TENM4: variants seen among roughly 807,000 people sequenced by gnomAD.
TENM4 encodes the protein teneurin transmembrane protein 4.
In TENM4, 82 loss-of-function variants were observed where a neutral mutation model predicts 243.3. The ratio of observed to expected loss-of-function variants is 0.34; its 90% CI spans 0.28 to 0.40. The LOEUF (loss-of-function observed/expected upper bound fraction) is 0.40. Ranked by LOEUF, TENM4 falls within the 10% of genes least tolerant of loss-of-function variation. The pLI is 1.00. For missense variants in TENM4, 3,138 were observed against 3,673.3 expected (o/e 0.85, Z 3.77); for synonymous variants, 1,412 against 1,456.3 (o/e 0.97, Z 0.69).
intron 3 of TENM4, among the ~76,000 whole-genome samples, chr11:79,152,198 T>TACAAATATTAATATAAATA (rs1214023363): frequency 6.6e-6 from 1 of 152,150 alleles, no homozygotes; most frequent in South Asian, 2.1e-4. Flanking sequence ...TATTAATATG[T>TACAAATATTAATATAAATA]TGGTGTGGTG....
chr11:79,381,575 G>A (rs1236013171), intron 1 of TENM4, among the ~76,000 whole-genome samples: 1 of 149,808 alleles, frequency 6.7e-6, no homozygotes, highest in Non-Finnish European at 1.5e-5. Context: ...CAGGTATTAG[G>A]GTGCAAATGA....
intron 1 of TENM4, among the ~76,000 whole-genome samples, chr11:79,327,106 T>C (rs967824849): frequency 6.6e-6 from 1 of 152,180 alleles, no homozygotes; most frequent in Non-Finnish European, 1.5e-5. Context: ...TCTCCAGAAA[T>C]GCTCAGACAT....
chr11:78,673,744 C>T (rs1272327122), intron 30 of TENM4, among the ~76,000 whole-genome samples: 2 of 152,204 alleles, frequency 1.3e-5, no homozygotes, highest in African/African-American at 2.4e-5. Flanking sequence ...TGACAGCAAA[C>T]GATCGTGGTC....
chr11:79,120,931 T>C (rs1189736205), intron 4 of TENM4, among the ~76,000 whole-genome samples: 1 of 152,250 alleles, frequency 6.6e-6, no homozygotes, highest in Non-Finnish European at 1.5e-5. Flanking sequence ...ATTTTGCAGA[T>C]GATAAAACTG....
At chr11:79,236,878 G>A (rs1281480049) in intron 2 of TENM4, among the ~76,000 whole-genome samples, 1 of 152,204 alleles carries the variant, frequency 6.6e-6, no homozygotes, top group Non-Finnish European at 1.5e-5. Context: ...TGGTGGAGGT[G>A]TTTGTTTATC....
intron 3 of TENM4, among the ~76,000 whole-genome samples, chr11:79,183,628 G>A (rs1338144848): frequency 2.6e-5 from 4 of 152,136 alleles, no homozygotes; most frequent in Non-Finnish European, 4.4e-5. Flanking sequence ...GATGTGGCAA[G>A]GTTGTGTGTG....
chr11:79,119,087 T>A (rs942631895), intron 4 of TENM4, among the ~76,000 whole-genome samples: 1 of 152,178 alleles, frequency 6.6e-6, no homozygotes, highest in African/African-American at 2.4e-5. Flanking sequence ...ATTTAGGAAG[T>A]GGTAGTCAGA....
chr11:78,778,172 C>A (rs369704707), intron 17 of TENM4, among the ~76,000 whole-genome samples: 2 of 152,090 alleles, frequency 1.3e-5, no homozygotes, highest in African/African-American at 2.4e-5. Flanking sequence ...AGAAAGTAGT[C>A]CTTAAAATTT....
intron 1 of TENM4, among the ~76,000 whole-genome samples, chr11:79,350,514 C>T (rs137947114): frequency 0.012 from 1,759 of 151,360 alleles, 25 homozygotes; most frequent in African/African-American, 0.041. Flanking sequence ...ACTGCAGCCT[C>T]GAACATCTGG....
At chr11:79,161,774 T>G (rs1862751067) in intron 3 of TENM4, among the ~76,000 whole-genome samples, 1 of 152,166 alleles carries the variant, frequency 6.6e-6, no homozygotes, top group African/African-American at 2.4e-5. Flanking sequence ...TATCTTGTGG[T>G]CAGTGGGGAC....
At chr11:78,846,930 T>C (rs1312121916) in intron 12 of TENM4, among the ~76,000 whole-genome samples, 6 of 152,200 alleles carry the variant, frequency 3.9e-5, no homozygotes, top group African/African-American at 1.4e-4. Context: ...GCTAAAAATA[T>C]CCCCTTCTTC....
chr11:78,873,221 T>C (rs1859182170), intron 9 of TENM4, among the ~76,000 whole-genome samples: 1 of 152,176 alleles, frequency 6.6e-6, no homozygotes, highest in East Asian at 1.9e-4. Context: ...CTCTGCTTCT[T>C]GTTTGATTAC....
At chr11:79,175,448 C>T (rs1274659555) in intron 3 of TENM4, among the ~76,000 whole-genome samples, 1 of 152,128 alleles carries the variant, frequency 6.6e-6, no homozygotes, top group Non-Finnish European at 1.5e-5. Flanking sequence ...ATCTAAATGT[C>T]TAACAGCTAG....
chr11:79,007,210 G>C (rs183798840), intron 6 of TENM4, among the ~76,000 whole-genome samples: 2 of 152,228 alleles, frequency 1.3e-5, no homozygotes, highest in African/African-American at 4.8e-5. Flanking sequence ...CTAATACTGT[G>C]CCTAAATGCT....
chr11:78,759,521 C>A, intron 18 of TENM4, among the ~76,000 whole-genome samples: 1 of 152,170 alleles, frequency 6.6e-6, no homozygotes, highest in East Asian at 1.9e-4. Context: ...CCAAAGCAGT[C>A]CCTGGAAGCC....
chr11:79,281,796 A>C (rs1400572896), intron 2 of TENM4, among the ~76,000 whole-genome samples: 2 of 152,244 alleles, frequency 1.3e-5, no homozygotes, highest in African/African-American at 4.8e-5. Flanking sequence ...CCAAACCATT[A>C]AAACCTTTAA....
intron 28 of TENM4, among the ~76,000 whole-genome samples, chr11:78,700,227 G>A (rs540840260): frequency 2.9e-4 from 44 of 152,198 alleles, no homozygotes; most frequent in Non-Finnish European, 5.3e-4. Context: ...GCACTGGTGC[G>A]GGGGTAGGAT....
chr11:79,380,007 C>T (rs1456074697), intron 1 of TENM4, among the ~76,000 whole-genome samples: 2 of 152,078 alleles, frequency 1.3e-5, no homozygotes, highest in South Asian at 2.1e-4. Context: ...TTTCTGTCTC[C>T]ACGGGGCAGT....
intron 1 of TENM4, among the ~76,000 whole-genome samples, chr11:79,425,278 C>A (rs1859025052): frequency 6.6e-6 from 1 of 152,082 alleles, no homozygotes; most frequent in Non-Finnish European, 1.5e-5. Flanking sequence ...AATTTCTCAC[C>A]CCCTGCAGGA....
Sources: allele counts gnomAD v4.1 joint callset (sites outside exome capture counted in the v4.1 genomes callset), GRCh38; gene constraint gnomAD v4.1.1; transcripts MANE v1.5; gene names NCBI Gene and HGNC (gene_info 2026-07-23, HGNC 2026-07-21).